FHIP1A: variants seen among roughly 807,000 people sequenced by gnomAD.
The protein encoded by FHIP1A is FHF complex subunit HOOK-interacting protein 1A.
In FHIP1A, 61 loss-of-function variants were observed where a neutral mutation model predicts 88.6. That is an observed-to-expected ratio of 0.69 (90% confidence interval 0.56 to 0.85). FHIP1A has a LOEUF of 0.85. FHIP1A is among the 40% of genes least tolerant of loss of function. FHIP1A has a pLI of 0.00. For missense variants in FHIP1A, 1,154 were observed against 1,273.5 expected (o/e 0.91, Z 1.43); for synonymous variants, 478 against 496.0 (o/e 0.96, Z 0.48).
chr4:151,518,120 C>G (rs1033170969), intron 3 of FHIP1A, among the ~76,000 whole-genome samples: 3 of 152,216 alleles, frequency 2.0e-5, no homozygotes, highest in Non-Finnish European at 4.4e-5. Flanking sequence ...GAGCAACTTT[C>G]AGTCCTGCAA....
intron 3 of FHIP1A, among the ~76,000 whole-genome samples, chr4:151,524,128 A>G (rs569814160): frequency 3.3e-5 from 5 of 152,132 alleles, no homozygotes; most frequent in Admixed American, 1.3e-4. Flanking sequence ...TGGCTAACAC[A>G]GTGAAACCCT....
intron 3 of FHIP1A, among the ~76,000 whole-genome samples, chr4:151,517,310 G>A (rs1189360802): frequency 6.6e-6 from 1 of 152,030 alleles, no homozygotes; most frequent in African/African-American, 2.4e-5. Flanking sequence ...GTGGGGTTGG[G>A]GGAGGGGGGA....
chr4:151,614,373 G>T (rs529796508), intron 7 of FHIP1A, among the ~76,000 whole-genome samples: 1 of 151,582 alleles, frequency 6.6e-6, no homozygotes, highest in Non-Finnish European at 1.5e-5. Context: ...GGAGGCTGAC[G>T]TGAGAGATTT....
At chr4:151,488,269 C>T (rs1355638424) in intron 3 of FHIP1A, among the ~76,000 whole-genome samples, 1 of 152,086 alleles carries the variant, frequency 6.6e-6, no homozygotes, top group Non-Finnish European at 1.5e-5. Flanking sequence ...ATGGTCCTGT[C>T]ACCTAGGTAG....
intron 3 of FHIP1A, among the ~76,000 whole-genome samples, chr4:151,483,313 G>C (rs1729966151): frequency 6.6e-6 from 1 of 151,542 alleles, no homozygotes; most frequent in Non-Finnish European, 1.5e-5. Context: ...TTGTGGGGGT[G>C]GGGGGGTGTT....
At chr4:151,554,293 A>G (rs1732861838) in intron 3 of FHIP1A, among the ~76,000 whole-genome samples, 2 of 152,148 alleles carry the variant, frequency 1.3e-5, no homozygotes, top group South Asian at 2.1e-4. Context: ...ACACCTCTCC[A>G]TAGTAAGCTG....
intron 2 of FHIP1A, among the ~76,000 whole-genome samples, chr4:151,476,479 A>G (rs1403296472): frequency 2.0e-5 from 3 of 152,120 alleles, no homozygotes; most frequent in Non-Finnish European, 4.4e-5. Flanking sequence ...ACCCTTTAAA[A>G]TATAATAGGA....
At chr4:151,575,646 C>T (rs536190319) in intron 4 of FHIP1A, among the ~76,000 whole-genome samples, 1 of 152,092 alleles carries the variant, frequency 6.6e-6, no homozygotes, top group East Asian at 1.9e-4. Context: ...GATTTTTTTG[C>T]CTTTGTGACA....
chr4:151,609,527 G>A (rs1386020926), intron 7 of FHIP1A, among the ~76,000 whole-genome samples: 2 of 152,146 alleles, frequency 1.3e-5, no homozygotes, highest in East Asian at 1.9e-4. Flanking sequence ...ATGGTGGAAA[G>A]CCTCTGAGAA....
chr4:151,444,363 A>G (rs1451525315), intron 1 of FHIP1A, among the ~76,000 whole-genome samples: 2 of 152,158 alleles, frequency 1.3e-5, no homozygotes, highest in Non-Finnish European at 2.9e-5. Flanking sequence ...AAAATGAGAC[A>G]TATACATATA....
At chr4:151,526,744 G>C (rs1456969545) in intron 3 of FHIP1A, among the ~76,000 whole-genome samples, 1 of 149,768 alleles carries the variant, frequency 6.7e-6, no homozygotes, top group Non-Finnish European at 1.5e-5. Flanking sequence ...GCTGCTGGGC[G>C]GAGGGGCTCC....
intron 7 of FHIP1A, among the ~76,000 whole-genome samples, chr4:151,591,093 C>CT (rs552966792): frequency 0.024 from 3,403 of 140,800 alleles, 116 homozygotes; most frequent in African/African-American, 0.079. Context: ...TGTTGGTTTG[C>CT]TTTTTTTTTT....
intron 3 of FHIP1A, among the ~76,000 whole-genome samples, chr4:151,530,119 C>T (rs527795222): frequency 2.9e-4 from 44 of 152,216 alleles, no homozygotes; most frequent in African/African-American, 1.1e-3. Context: ...TCAATACTGT[C>T]CTCACTATAG....
At chr4:151,417,792 T>C (rs927794264) in intron 1 of FHIP1A, among the ~76,000 whole-genome samples, 1 of 152,220 alleles carries the variant, frequency 6.6e-6, no homozygotes, top group African/African-American at 2.4e-5. Context: ...ATAAGTTGAA[T>C]TTTTAAATCT....
At chr4:151,526,963 G>T (rs1207159584) in intron 3 of FHIP1A, among the ~76,000 whole-genome samples, 3 of 151,608 alleles carry the variant, frequency 2.0e-5, no homozygotes, top group Non-Finnish European at 2.9e-5. Context: ...TCCCAGATGG[G>T]ATGGCGGCTG....
intron 3 of FHIP1A, among the ~76,000 whole-genome samples, chr4:151,544,064 G>A (rs1732396620): frequency 6.6e-6 from 1 of 152,130 alleles, no homozygotes; most frequent in African/African-American, 2.4e-5. Context: ...TAAGCACATG[G>A]TACTCCCTGA....
intron 6 of FHIP1A, 83 bp downstream of exon 6, chr4:151,586,882 A>AT: frequency 2.8e-6 from 3 of 1,063,562 alleles, no homozygotes; most frequent in Non-Finnish European, 3.9e-6. Context: ...TAAAACGTTC[A>AT]TTTTTTAAAA....
At chr4:151,429,554 T>G (rs12498878) in intron 1 of FHIP1A, among the ~76,000 whole-genome samples, 17,196 of 152,244 alleles carry the variant, frequency 0.11, 1,014 homozygotes, top group African/African-American at 0.13. Flanking sequence ...GCACTTATCC[T>G]TTTGATTAAA....
chr4:151,419,289 G>C (rs940985993), intron 1 of FHIP1A, among the ~76,000 whole-genome samples: 9 of 152,262 alleles, frequency 5.9e-5, no homozygotes, highest in Middle Eastern at 3.4e-3. Context: ...TTCAACCTGG[G>C]ACATTGGTCT....
Sources: gnomAD v4.1 joint callset for allele counts (sites outside exome capture counted in the v4.1 genomes callset) on GRCh38, gnomAD v4.1.1 for gene constraint, MANE v1.5 for transcripts, NCBI Gene and HGNC (gene_info 2026-07-23, HGNC 2026-07-21) for gene names.